The following SENP7 variants were observed in gnomAD, a reference collection of about 807,000 sequenced individuals.
SENP7 encodes the protein sentrin-specific protease 7.
SENP7 carries 64 observed loss-of-function variants against 141.2 expected under a neutral mutation model. The ratio of observed to expected loss-of-function variants is 0.45; its 90% CI spans 0.37 to 0.56. SENP7 has a LOEUF of 0.56. Ranked by LOEUF, SENP7 falls within the 20% of genes least tolerant of loss-of-function variation. SENP7 has a pLI of 0.00. For synonymous variants in SENP7, 382 were observed against 426.4 expected, an observed-to-expected ratio of 0.90 and a Z score of 1.28; for missense variants, 1,025 against 1,212.2, an observed-to-expected ratio of 0.85 and a Z score of 2.29.
chr3:101,350,010 A>G (rs1424147865), intron 12 of SENP7, among the ~76,000 whole-genome samples: 1 of 152,214 alleles, frequency 6.6e-6, no homozygotes, highest in Non-Finnish European at 1.5e-5. Context: ...TGGACATCCA[A>G]GAAGGCTCCT....
At chr3:101,504,016 AAAT>A (rs147967469) in intron 1 of SENP7, among the ~76,000 whole-genome samples, 1 of 152,138 alleles carries the variant, frequency 6.6e-6, no homozygotes, top group Non-Finnish European at 1.5e-5. Flanking sequence ...TTAAAATCAG[AAAT>A]AATAATAATA....
intron 17 of SENP7, among the ~76,000 whole-genome samples, chr3:101,334,987 C>A (rs185117783): frequency 2.0e-5 from 3 of 152,078 alleles, no homozygotes; most frequent in African/African-American, 4.8e-5. Context: ...TTCCAAGCAC[C>A]GAGCAAGGTA....
chr3:101,491,266 G>A (rs9790303), intron 3 of SENP7, among the ~76,000 whole-genome samples: 19,399 of 151,278 alleles, frequency 0.13, 1,291 homozygotes, highest in South Asian at 0.18. Flanking sequence ...GGAACTACAG[G>A]TGCACAAGAC....
At chr3:101,344,788 T>C (rs2059412361) in intron 13 of SENP7, among the ~76,000 whole-genome samples, 1 of 152,034 alleles carries the variant, frequency 6.6e-6, no homozygotes, top group Non-Finnish European at 1.5e-5. Flanking sequence ...TTCTATATTT[T>C]ATTTAACTTT....
At chr3:101,457,516 T>C in intron 4 of SENP7, 1 of 1,609,476 alleles carries the variant, frequency 6.2e-7, no homozygotes, top group Admixed American at 1.7e-5. Context: ...TTAAAGTGGA[T>C]CACTGTTCCT....
At chr3:101,502,934 A>C (rs1027914098) in intron 1 of SENP7, among the ~76,000 whole-genome samples, 5 of 152,066 alleles carry the variant, frequency 3.3e-5, no homozygotes, top group Admixed American at 1.3e-4. Flanking sequence ...AAAAAAAAAA[A>C]AAAGAACTTC....
intron 4 of SENP7, among the ~76,000 whole-genome samples, chr3:101,419,369 C>T (rs1022919787): frequency 6.6e-6 from 1 of 152,136 alleles, no homozygotes; most frequent in African/African-American, 2.4e-5. Flanking sequence ...TTAGGAAACA[C>T]TGAGATCAGA....
At position 101,513,140 on chromosome 3, in the gene SENP7, C is replaced by G; in HGVS notation, c.-10G>C. The G allele has an allele frequency of 6.3e-7, 1 of 1,595,416 alleles. No homozygotes were observed. Among genetic ancestry groups the G allele is most frequent in the South Asian group, 1.1e-5 (1 of 90,626 alleles). On this transcript the variant is annotated 5_prime_UTR_variant, in exon 1 of 24. Coordinates refer to ENST00000394095, the MANE Select transcript of SENP7 (RefSeq NM_020654.5). ...GCTTTCTCTTGTCCATCTTCTCCCG[C>G]TGCTGAAATTTCAGTTGCAGGCGCT...
chr3:101,409,939 G>A (rs1445103838), intron 5 of SENP7, among the ~76,000 whole-genome samples: 8 of 152,090 alleles, frequency 5.3e-5, no homozygotes, highest in Non-Finnish European at 1.2e-4. Context: ...ATTGCTCGGA[G>A]TTAACTGAAC....
chr3:101,479,802 CAAA>C (rs756242957), intron 3 of SENP7, among the ~76,000 whole-genome samples: 1 of 85,838 alleles, frequency 1.2e-5, no homozygotes, highest in Non-Finnish European at 2.3e-5. Flanking sequence ...GAGACTCTGT[CAAA>C]AAAAAAAAAA....
At chr3:101,442,551 A>G (rs2062720412) in intron 4 of SENP7, among the ~76,000 whole-genome samples, 1 of 152,192 alleles carries the variant, frequency 6.6e-6, no homozygotes, top group South Asian at 2.1e-4. Context: ...CTAACAGGCC[A>G]CGGACCAGTA....
intron 13 of SENP7, among the ~76,000 whole-genome samples, chr3:101,346,865 T>C (rs760835857): frequency 1.3e-4 from 19 of 151,138 alleles, no homozygotes; most frequent in Non-Finnish European, 2.5e-4. Flanking sequence ...AAAGAACTTA[T>C]GTAATCAAAT....
rs745455381 is a variant in SENP7, at chr3:101,341,728, T to C, written c.2158A>G (p.Ser720Gly). ...KPTYTFLQKQ[S>G]SGCYSLSITS... ...ATAGAAAGGGAGTAGCAACCGCTAC[T>C]TTGCTTCTGCAGGAAGGTGTAAGTA... is the stretch of plus-strand genomic sequence containing the variant. The change falls in exon 15 of 24, where the codon AGT becomes GGT. Residue 720 changes from serine (S) to glycine (G), a missense_variant. By Grantham distance (56) the Ser-to-Gly change is moderately conservative (BLOSUM62 0). Around this residue, in one of 4 missense-constraint regions of SENP7, gnomAD observed 295 missense variants for 459.1 expected, o/e 0.64. Coordinates refer to ENST00000394095, the MANE Select transcript of SENP7 (RefSeq NM_020654.5). 1 of 1,611,912 alleles carries C rather than the reference T, an allele frequency of 6.2e-7. No homozygotes were observed.
intron 11 of SENP7, chr3:101,357,664 T>C (rs1217988813): frequency 2.7e-6 from 2 of 751,256 alleles, no homozygotes; most frequent in Non-Finnish European, 4.8e-6. Flanking sequence ...GTTTGACAAC[T>C]ACCCAGAGAA....
chr3:101,428,193 A>C, intron 4 of SENP7, among the ~76,000 whole-genome samples: 1 of 152,182 alleles, frequency 6.6e-6, no homozygotes, highest in East Asian at 1.9e-4. Flanking sequence ...ATGATCTATA[A>C]TCCTTTGGGT....
chr3:101,360,299 A>C (rs1039674488), intron 11 of SENP7, among the ~76,000 whole-genome samples: 2 of 152,180 alleles, frequency 1.3e-5, no homozygotes, highest in Non-Finnish European at 2.9e-5. Context: ...GGTACCAAGT[A>C]AACAACAGGT....
At chr3:101,327,180 A>T (rs2058924402) in intron 23 of SENP7, among the ~76,000 whole-genome samples, 1 of 152,134 alleles carries the variant, frequency 6.6e-6, no homozygotes, top group Non-Finnish European at 1.5e-5. Flanking sequence ...CTCTTTAAAA[A>T]AAATCTTGAT....
chr3:101,427,602 C>A (rs1576316601), intron 4 of SENP7, among the ~76,000 whole-genome samples: 1 of 151,942 alleles, frequency 6.6e-6, no homozygotes, highest in African/African-American at 2.4e-5. Context: ...TGGCAAAATG[C>A]ACCTCTGCTT....
At chr3:101,460,514 A>G (rs1309768944) in intron 3 of SENP7, among the ~76,000 whole-genome samples, 1 of 152,212 alleles carries the variant, frequency 6.6e-6, no homozygotes, top group African/African-American at 2.4e-5. Context: ...GAACTTGCAC[A>G]CTTGCTTCAC....
Sources: allele counts gnomAD v4.1 joint callset (sites outside exome capture counted in the v4.1 genomes callset), GRCh38; gene constraint gnomAD v4.1.1; regional missense constraint gnomAD v4.1.1; transcripts MANE v1.5; gene names NCBI Gene and HGNC (gene_info 2026-07-23, HGNC 2026-07-21).